SLC22A14: variants seen among roughly 807,000 people sequenced by gnomAD.
SLC22A14 encodes the protein organic cation transporter-like 4.
Under a neutral mutation model 53.9 loss-of-function variants are expected in SLC22A14, and 50 were observed. The ratio of observed to expected loss-of-function variants is 0.93; its 90% confidence interval spans 0.74 to 1.17. The LOEUF is 1.17. Ranked by LOEUF, SLC22A14 falls within the 50% of genes most tolerant of loss-of-function variation. SLC22A14 has a pLI of 0.00. For synonymous variants in SLC22A14, 312 were observed against 303.0 expected, an observed-to-expected ratio of 1.03 and a Z score of -0.31; for missense variants, 671 against 734.7, an observed-to-expected ratio of 0.91 and a Z score of 1.00.
chr3:38,312,652 G>T (rs958490215), intron 5 of SLC22A14, among the ~76,000 whole-genome samples: 4 of 152,214 alleles, frequency 2.6e-5, no homozygotes, highest in Non-Finnish European at 5.9e-5. Context: ...GGGCATGGAG[G>T]TCGGAGCCCT....
chr3:38,290,923 C>T (rs1195140469), intron 1 of SLC22A14, among the ~76,000 whole-genome samples: 2 of 152,110 alleles, frequency 1.3e-5, no homozygotes, highest in South Asian at 2.1e-4. Flanking sequence ...GTAAGACTGC[C>T]ACCTCTTTAG....
At chr3:38,308,892 T>C in intron 4 of SLC22A14, 62 bp from the exon 5 acceptor site, 1 of 1,514,468 alleles carries the variant, frequency 6.6e-7, no homozygotes, top group African/African-American at 1.4e-5. Flanking sequence ...CAAGGCTGGA[T>C]GCAAGGGCAG....
intron 5 of SLC22A14, among the ~76,000 whole-genome samples, chr3:38,310,269 T>C (rs1435261417): frequency 6.6e-6 from 1 of 152,076 alleles, no homozygotes; most frequent in Non-Finnish European, 1.5e-5. Flanking sequence ...TCCCAGCTAC[T>C]TGGGAGGCTG....
At chr3:38,302,898 T>G (rs1447280855) in intron 1 of SLC22A14, among the ~76,000 whole-genome samples, 2 of 152,204 alleles carry the variant, frequency 1.3e-5, no homozygotes, top group African/African-American at 4.8e-5. Context: ...TGGGAAGATT[T>G]TTTTACTTCT....
At chr3:38,310,890 C>A (rs1316857720) in intron 5 of SLC22A14, among the ~76,000 whole-genome samples, 1 of 152,122 alleles carries the variant, frequency 6.6e-6, no homozygotes, top group African/African-American at 2.4e-5. Flanking sequence ...TTCATTATAC[C>A]CAGATGAGAG....
intron 1 of SLC22A14, among the ~76,000 whole-genome samples, chr3:38,304,582 G>A (rs1202558010): frequency 6.6e-6 from 1 of 152,076 alleles, no homozygotes; most frequent in African/African-American, 2.4e-5. Context: ...TGTAAAGACA[G>A]GGTTTCACTA....
At chr3:38,292,582 T>A (rs4955407) in intron 1 of SLC22A14, among the ~76,000 whole-genome samples, 9,764 of 152,116 alleles carry the variant, frequency 0.064, 373 homozygotes, top group East Asian at 0.16. Context: ...TCTTAACAAT[T>A]TTTTGGAGTC....
chr3:38,313,695 T>TGTGTGTGCGCGC, intron 7 of SLC22A14, 32 bp from the exon 8 acceptor site: 1 of 1,339,474 alleles, frequency 7.5e-7, no homozygotes, highest in Non-Finnish European at 1.0e-6. Context: ...TGCGCGCGTG[T>TGTGTGTGCGCGC]GCACGCGCAC....
Position 38,313,787 on chromosome 3 carries a change from C to T in SLC22A14, c.1224C>T (p.Ser408=), listed in dbSNP as rs72551367. The change falls in exon 8 of 11, where the codon AGC becomes AGT. Residue 408 remains serine, a synonymous_variant. Transcript: ENST00000448498. The stretch of plus-strand genomic sequence containing the variant: ...TGAGAATGAGAGAGCTGGGCGTGAG[C>T]GTCCACTTCAGACACGTGGTCCCCA... ...LSLRMRELGV[S]VHFRHVVPSI... The T allele has an allele frequency of 9.6e-4, 1,552 of 1,608,510 alleles. 28 individuals carry two copies. The East Asian group carries it at 0.032, about 33-fold the overall frequency.
chr3:38,293,592 C>T (rs1185069328), intron 1 of SLC22A14, among the ~76,000 whole-genome samples: 1 of 152,242 alleles, frequency 6.6e-6, no homozygotes. Context: ...CTCAATGCCT[C>T]CCTTAGTCTC....
chr3:38,292,492 T>A (rs918896120), intron 1 of SLC22A14, among the ~76,000 whole-genome samples: 3 of 152,096 alleles, frequency 2.0e-5, no homozygotes, highest in African/African-American at 7.2e-5. Flanking sequence ...ACCTCCACTG[T>A]CTGTTGGGTT....
At chr3:38,313,267 C>T in intron 6 of SLC22A14, 121 bp from the exon 7 acceptor site, 2 of 1,401,082 alleles carry the variant, frequency 1.4e-6, no homozygotes, top group Non-Finnish European at 2.0e-6. Context: ...TTGAACCCTG[C>T]CAGGGAAGGC....
chr3:38,279,259 C>G (rs776053187), upstream of SLC22A14, among the ~76,000 whole-genome samples: 1 of 152,202 alleles, frequency 6.6e-6, no homozygotes, highest in Admixed American at 6.5e-5. Context: ...GGAATACTAG[C>G]AAGTCTTTCT....
At chr3:38,310,968 ATC>A (rs1166957589) in intron 5 of SLC22A14, among the ~76,000 whole-genome samples, 1 of 152,034 alleles carries the variant, frequency 6.6e-6, no homozygotes, top group Non-Finnish European at 1.5e-5. Flanking sequence ...CTCTCCTATA[ATC>A]TCTCTCACTG....
intron 1 of SLC22A14, among the ~76,000 whole-genome samples, chr3:38,295,806 C>G (rs532768919): frequency 3.0e-4 from 45 of 151,510 alleles, no homozygotes; most frequent in Admixed American, 2.0e-3. Flanking sequence ...CTGTCTGTCT[C>G]TCTCTCTCTC....
intron 7 of SLC22A14, 94 bp downstream of exon 7, chr3:38,313,579 G>A (rs1209961799): frequency 2.9e-6 from 3 of 1,028,346 alleles, no homozygotes; most frequent in South Asian, 2.6e-5. Context: ...TGCAGGGGAG[G>A]CAGCCCAAGG....
rs772301774 is a variant in SLC22A14 at position 38,313,477 on chromosome 3, CTG to C, written c.1162_1163del (p.Trp388ValfsTer71). 25 of 1,609,084 alleles carry C rather than the reference CTG, an allele frequency of 1.6e-5. No individual in the cohort carries two copies. The highest frequency in any genetic ancestry group is 8.3e-5 in the Admixed American group (5 of 60,016). ...TCTGCAAGGTGACCTTGGTGATGAG[CTG>C]TGTGTGGTGAGTATCCAGGGCTCGC... Reference protein sequence around the residue: ...QLCKVTLVMSCVWFTVSYTYF... With the variant: ...QLCKVTLVMSXVWFTVSYTYF... On this transcript the variant is annotated frameshift_variant, in exon 7 of 11. Transcript: ENST00000448498. LOFTEE classifies it high-confidence loss of function.
intron 1 of SLC22A14, among the ~76,000 whole-genome samples, chr3:38,298,080 CAT>C (rs1282241013): frequency 3.3e-5 from 5 of 152,122 alleles, no homozygotes; most frequent in Non-Finnish European, 5.9e-5. Flanking sequence ...ATTATGGACT[CAT>C]ATTTATTCTA....
intron 5 of SLC22A14, among the ~76,000 whole-genome samples, 155 bp downstream of exon 5, chr3:38,309,277 GC>G (rs1704404629): frequency 6.6e-6 from 1 of 152,216 alleles, no homozygotes; most frequent in South Asian, 2.1e-4. Context: ...CAAGGGCAGA[GC>G]CTCTGAACCT....
Sources: gnomAD v4.1 joint callset for allele counts (sites outside exome capture counted in the v4.1 genomes callset) on GRCh38, gnomAD v4.1.1 for gene constraint, MANE v1.5 for transcripts, NCBI Gene and HGNC (gene_info 2026-07-23, HGNC 2026-07-21) for gene names.